TRAF2: variants seen among roughly 807,000 people sequenced by gnomAD.
TRAF2 encodes the protein TNF receptor-associated factor 2.
Under a neutral mutation model 55.6 loss-of-function variants are expected in TRAF2, and 6 were observed. The ratio of observed to expected loss-of-function variants is 0.11; its 90% CI spans 0.06 to 0.21. The LOEUF (loss-of-function observed/expected upper bound fraction) is 0.21, where lower values mean the gene tolerates loss of function less well. Ranked by LOEUF, TRAF2 falls within the 10% of genes least tolerant of loss-of-function variation. TRAF2 has a pLI of 1.00. For synonymous variants in TRAF2, 329 were observed against 276.3 expected, an observed-to-expected ratio of 1.19 and a Z score of -1.89; for missense variants, 561 against 684.5, an observed-to-expected ratio of 0.82 and a Z score of 2.01.
At chr9:136,920,060 C>G (rs1182180767) in intron 7 of TRAF2, among the ~76,000 whole-genome samples, 174 bp from the exon 8 acceptor site, 2 of 152,198 alleles carry the variant, frequency 1.3e-5, no homozygotes, top group East Asian at 3.9e-4. Context: ...ACACACCTGA[C>G]TTTCAGTCTG....
chr9:136,917,496 C>T (rs1850270400), intron 7 of TRAF2, among the ~76,000 whole-genome samples: 1 of 152,198 alleles, frequency 6.6e-6, no homozygotes, highest in Non-Finnish European at 1.5e-5. Context: ...AACAGGAGCC[C>T]CTTGAGGTCA....
chr9:136,890,840 G>C (rs1849567082), intron 1 of TRAF2, among the ~76,000 whole-genome samples: 1 of 152,184 alleles, frequency 6.6e-6, no homozygotes, highest in Non-Finnish European at 1.5e-5. Flanking sequence ...AATGATCCCC[G>C]ACCTTCCAGC....
intron 8 of TRAF2, among the ~76,000 whole-genome samples, chr9:136,920,747 A>T (rs1850365377): frequency 6.6e-6 from 1 of 152,214 alleles, no homozygotes; most frequent in Non-Finnish European, 1.5e-5. Context: ...GGCCGTGGGC[A>T]GGAGCCTCTT....
At chr9:136,900,207 C>T (rs1849785313) in intron 3 of TRAF2, among the ~76,000 whole-genome samples, 1 of 151,162 alleles carries the variant, frequency 6.6e-6, no homozygotes. Flanking sequence ...CAGAAGTTGT[C>T]CCTTAGCAGA....
chr9:136,889,667 C>G (rs1397771309), intron 1 of TRAF2: 1 of 152,104 alleles, frequency 6.6e-6, no homozygotes, highest in Non-Finnish European at 1.5e-5. Context: ...TTATGTTTCC[C>G]AGGCTGGTCT....
intron 3 of TRAF2, among the ~76,000 whole-genome samples, chr9:136,900,161 C>T (rs1449465335): frequency 7.2e-6 from 1 of 139,592 alleles, no homozygotes; most frequent in African/African-American, 2.9e-5. Flanking sequence ...AAAGTGAGAC[C>T]CCTCCTTTAA....
At chr9:136,922,262 TGAAA>T (rs1850404645) in intron 9 of TRAF2, 1 of 152,174 alleles carries the variant, frequency 6.6e-6, no homozygotes. Context: ...ACTGGAAAAA[TGAAA>T]GATTGTTTTA....
chr9:136,916,526 G>A lies in TRAF2; in HGVS notation c.604-15G>A, dbSNP rs1203531392. The A allele has an allele frequency of 6.8e-6, 11 of 1,613,658 alleles. No homozygotes were observed. The highest frequency in any genetic ancestry group is 1.7e-5 in the Admixed American group (1 of 60,008). ...GAACAGAGAAAGATGGCTCTGTGACGTCACTCCCTTGTAGTTTCAGGACCA... is the reference window on the plus strand; with the variant it reads ...GAACAGAGAAAGATGGCTCTGTGACATCACTCCCTTGTAGTTTCAGGACCA... On this transcript the variant is annotated splice_polypyrimidine_tract_variant and intron_variant, in intron 6 of 10. Coordinates refer to ENST00000247668, the MANE Select transcript of TRAF2 (RefSeq NM_021138.4).
upstream of TRAF2, among the ~76,000 whole-genome samples, chr9:136,885,119 C>T (rs1482819628): frequency 3.9e-5 from 6 of 152,134 alleles, no homozygotes; most frequent in African/African-American, 1.4e-4. Flanking sequence ...GGGTTTGGGG[C>T]GGAGGGGAAT....
At chr9:136,920,040 C>T (rs1215055574) in intron 7 of TRAF2, among the ~76,000 whole-genome samples, 194 bp from the exon 8 acceptor site, 2 of 152,188 alleles carry the variant, frequency 1.3e-5, no homozygotes, top group African/African-American at 2.4e-5. Flanking sequence ...TATAGCTTCA[C>T]GTTCTTTAAA....
At chr9:136,886,380 G>A, upstream of TRAF2, 1 of 986,100 alleles carries the variant, frequency 1.0e-6, no homozygotes, top group Non-Finnish European at 1.2e-6. Context: ...GCTCGGAGCG[G>A]GGCGTATCTG....
intron 5 of TRAF2, among the ~76,000 whole-genome samples, chr9:136,909,396 C>G (rs1234321822): frequency 1.3e-5 from 2 of 152,212 alleles, no homozygotes; most frequent in South Asian, 4.1e-4. Flanking sequence ...CTCTGGGGCC[C>G]ATGGCATCTT....
chr9:136,921,237 C>G (rs1850377801), intron 9 of TRAF2, 22 bp downstream of exon 9: 1 of 1,612,256 alleles, frequency 6.2e-7, no homozygotes, highest in Admixed American at 1.7e-5. Context: ...GGACCCCCAC[C>G]TCACTGCAGC....
chr9:136,922,921 G>A (rs367812233), intron 9 of TRAF2, among the ~76,000 whole-genome samples: 2 of 128,944 alleles, frequency 1.6e-5, no homozygotes, highest in African/African-American at 2.9e-5. Flanking sequence ...TTGGGGGCAC[G>A]CGGTGGAGGA....
At chr9:136,923,085 GTCAC>G (rs1320425231) in intron 9 of TRAF2, among the ~76,000 whole-genome samples, 1 of 152,168 alleles carries the variant, frequency 6.6e-6, no homozygotes, top group Middle Eastern at 3.2e-3. Flanking sequence ...GGTTCTGGCT[GTCAC>G]TCACGTCTGT....
upstream of TRAF2, chr9:136,886,307 A>G (rs1363668747): frequency 2.5e-6 from 2 of 799,746 alleles, no homozygotes; most frequent in African/African-American, 3.7e-5. Flanking sequence ...GCGCCGACCA[A>G]TCGGCGCACG....
intron 4 of TRAF2, among the ~76,000 whole-genome samples, chr9:136,905,978 G>T (rs764966214): frequency 6.6e-6 from 1 of 152,136 alleles, no homozygotes; most frequent in Admixed American, 6.6e-5. Context: ...GGTGGCGGGC[G>T]CCCGTAGTCC....
chr9:136,894,261 G>T (rs1412294695), intron 1 of TRAF2, among the ~76,000 whole-genome samples: 3 of 151,708 alleles, frequency 2.0e-5, no homozygotes, highest in Non-Finnish European at 4.4e-5. Flanking sequence ...TGGCCAGGAT[G>T]GTCTCGATCT....
intron 8 of TRAF2, 73 bp from the exon 9 acceptor site, chr9:136,920,965 G>T: frequency 6.4e-7 from 1 of 1,567,144 alleles, no homozygotes; most frequent in Non-Finnish European, 8.7e-7. Flanking sequence ...GCTGGAGATC[G>T]GTGGGTGTGG....
Sources: allele counts gnomAD v4.1 joint callset (sites outside exome capture counted in the v4.1 genomes callset), GRCh38; gene constraint gnomAD v4.1.1; transcripts MANE v1.5; gene names NCBI Gene and HGNC (gene_info 2026-07-23, HGNC 2026-07-21).